Variants in MSN observed in about 807,000 individuals in gnomAD.
The protein encoded by MSN is epididymis luminal protein 70.
A neutral mutation model predicts 48.0 loss-of-function variants in MSN; 2 were observed. That is an observed-to-expected ratio of 0.04 (90% CI 0.02 to 0.13). The LOEUF is 0.13. Ranked by LOEUF, MSN falls within the 10% of genes least tolerant of loss-of-function variation. The probability of loss-of-function intolerance (pLI) is 1.00; values close to 1 mark genes in which losing one functional copy is unlikely to be tolerated. For synonymous variants in MSN, 146 were observed against 166.9 expected (o/e 0.87, Z 0.97); for missense variants, 267 against 470.1 (o/e 0.57, Z 3.99).
At chrX:65,637,350 C>T (rs1406471159) in intron 1 of MSN, among the ~76,000 whole-genome samples, 2 of 105,788 alleles carry the variant, frequency 1.9e-5, no homozygotes, top group African/African-American at 3.5e-5. Flanking sequence ...TGCGGTGAGC[C>T]GAGATCATGC....
At chrX:65,714,994 A>G (rs751219314) in intron 1 of MSN, among the ~76,000 whole-genome samples, 1 of 111,887 alleles carries the variant, frequency 8.9e-6, no homozygotes. Flanking sequence ...GTTGATTTTT[A>G]TATGTGAGAT....
rs1205197468 is a variant in MSN at position 65,737,473 on chromosome X, T to C, written c.1251+135T>C. 3 of 755,386 alleles carry C rather than the reference T, an allele frequency of 4.0e-6. No individual in the cohort carries two copies. The African/African-American group carries it at 6.4e-5, about 16-fold the overall frequency. 62.3% of individuals were successfully genotyped at this position (755,386 alleles called of 1,213,427 possible). ...ACTCCATGGGCCTCCAGCAAATAAC[T>C]AGTTCAGAAGCAAGCTGAGAAGTCA... On this transcript the variant is annotated intron_variant, in intron 10 of 12. Transcript: ENST00000360270.
At chrX:65,650,659 C>T (rs901969540) in intron 1 of MSN, among the ~76,000 whole-genome samples, 3 of 112,273 alleles carry the variant, frequency 2.7e-5, no homozygotes, top group Admixed American at 9.4e-5. Context: ...CAGAACAGAC[C>T]TATTTCCTGC....
At chrX:65,647,322 C>T (rs1489478714) in intron 1 of MSN, among the ~76,000 whole-genome samples, 1 of 109,025 alleles carries the variant, frequency 9.2e-6, no homozygotes, top group East Asian at 2.9e-4. Context: ...AGCAATTCTC[C>T]TGCCTCAGCC....
At chrX:65,721,077 A>C (rs918213086) in intron 2 of MSN, among the ~76,000 whole-genome samples, 1 of 112,158 alleles carries the variant, frequency 8.9e-6, no homozygotes, top group African/African-American at 3.2e-5. Flanking sequence ...GATTCATTTA[A>C]TATTGACTGA....
intron 1 of MSN, among the ~76,000 whole-genome samples, chrX:65,692,868 C>A (rs765785904): frequency 9.0e-6 from 1 of 110,975 alleles, no homozygotes; most frequent in Non-Finnish European, 1.9e-5. Flanking sequence ...TTAGTAGATA[C>A]GAGGTTTCGC....
At chrX:65,728,611 G>T (rs1203763898) in intron 3 of MSN, among the ~76,000 whole-genome samples, 1 of 110,810 alleles carries the variant, frequency 9.0e-6, no homozygotes, top group African/African-American at 3.3e-5. Flanking sequence ...GTTAAAAAGA[G>T]CCACAGATTC....
intron 1 of MSN, among the ~76,000 whole-genome samples, chrX:65,703,428 G>C (rs2071329040): frequency 9.0e-6 from 1 of 111,181 alleles, no homozygotes; most frequent in Admixed American, 9.6e-5. Flanking sequence ...AAAATGCTGA[G>C]ACCATTATTT....
chrX:65,722,639 G>A (rs1365028142), intron 2 of MSN, among the ~76,000 whole-genome samples: 5 of 110,218 alleles, frequency 4.5e-5, no homozygotes, highest in East Asian at 2.8e-4. Flanking sequence ...GGCTGGTCTC[G>A]AACTCCTGAG....
chrX:65,607,515 G>A (rs917096479), intron 1 of MSN, among the ~76,000 whole-genome samples: 2 of 111,366 alleles, frequency 1.8e-5, no homozygotes, highest in East Asian at 2.8e-4. Flanking sequence ...TCACCCAAAG[G>A]CACATTTAGC....
intron 1 of MSN, among the ~76,000 whole-genome samples, chrX:65,697,410 G>C (rs2071255663): frequency 8.9e-6 from 1 of 111,821 alleles, no homozygotes; most frequent in African/African-American, 3.3e-5. Context: ...TATATTTATA[G>C]GGTGGGGAGG....
At chrX:65,671,801 A>G (rs751596411) in intron 1 of MSN, among the ~76,000 whole-genome samples, 8 of 111,893 alleles carry the variant, frequency 7.1e-5, no homozygotes, top group Non-Finnish European at 1.3e-4. Context: ...CAACTAATCT[A>G]TGCTCTCTCG....
chrX:65,654,098 C>T (rs1335006338), intron 1 of MSN, among the ~76,000 whole-genome samples: 1 of 98,663 alleles, frequency 1.0e-5, no homozygotes, highest in Non-Finnish European at 2.0e-5. Context: ...TTTATGGAGA[C>T]CCTTCTTTTT....
At chrX:65,590,614 G>C (rs897573426) in intron 1 of MSN, among the ~76,000 whole-genome samples, 8 of 111,834 alleles carry the variant, frequency 7.2e-5, no homozygotes, top group Non-Finnish European at 1.3e-4. Flanking sequence ...GGGAAGCCAA[G>C]GATGGAAGTA....
At chrX:65,633,924 C>G (rs2070578292) in intron 1 of MSN, among the ~76,000 whole-genome samples, 4 of 111,676 alleles carry the variant, frequency 3.6e-5, no homozygotes, top group Non-Finnish European at 7.5e-5. Context: ...CACATCAGTT[C>G]AAGAGCAGAG....
chrX:65,718,771 T>A (rs984577620), intron 2 of MSN, among the ~76,000 whole-genome samples: 8 of 101,124 alleles, frequency 7.9e-5, no homozygotes, highest in Non-Finnish European at 1.6e-4. Context: ...TGAGCTATGA[T>A]CACGCCACTG....
intron 1 of MSN, among the ~76,000 whole-genome samples, chrX:65,632,220 T>C (rs1317407430): frequency 2.7e-5 from 3 of 111,764 alleles, no homozygotes. Context: ...TTAATGCTGT[T>C]ATCGTGGGAG....
chrX:65,612,774 T>G (rs1301595596), intron 1 of MSN, among the ~76,000 whole-genome samples: 1 of 108,411 alleles, frequency 9.2e-6, no homozygotes, highest in African/African-American at 3.4e-5. Flanking sequence ...TTAGCCAGAC[T>G]GGTCTCAAGT....
intron 1 of MSN, among the ~76,000 whole-genome samples, chrX:65,677,289 C>T (rs2071009891): frequency 8.9e-6 from 1 of 112,001 alleles, no homozygotes; most frequent in Admixed American, 9.5e-5. Context: ...TTAGTTAAGT[C>T]GTACAAATCT....
Sources: allele counts gnomAD v4.1 joint callset (sites outside exome capture counted in the v4.1 genomes callset), GRCh38; gene constraint gnomAD v4.1.1; transcripts MANE v1.5; gene names NCBI Gene and HGNC (gene_info 2026-07-23, HGNC 2026-07-21).